Variants in TRAK1 observed in about 807,000 individuals in gnomAD.
TRAK1 encodes the protein trafficking kinesin-binding protein 1.
Under a neutral mutation model 92.1 loss-of-function variants are expected in TRAK1, and 33 were observed. The observed-to-expected ratio is 0.36, with a 90% CI of 0.27 to 0.48. The LOEUF (loss-of-function observed/expected upper bound fraction) is 0.48. Ranked by LOEUF, TRAK1 falls within the 20% of genes least tolerant of loss-of-function variation. TRAK1 has a pLI of 0.99. For synonymous variants in TRAK1, 521 were observed against 517.3 expected, an observed-to-expected ratio of 1.01 and a Z score of -0.10; for missense variants, 1,123 against 1,257.9, an observed-to-expected ratio of 0.89 and a Z score of 1.62.
chr3:42,051,629 T>A (rs969702555), intron 1 of TRAK1: 6 of 152,276 alleles, frequency 3.9e-5, no homozygotes, highest in Non-Finnish European at 8.8e-5. Flanking sequence ...TTGGCTGTCC[T>A]TTCTCCATAT....
At chr3:42,110,110 A>G (rs1228690239) in intron 1 of TRAK1, among the ~76,000 whole-genome samples, 13 of 132,770 alleles carry the variant, frequency 9.8e-5, no homozygotes, top group East Asian at 2.8e-4. Flanking sequence ...ATATATATAT[A>G]TATATATATA....
intron 1 of TRAK1, among the ~76,000 whole-genome samples, chr3:42,064,033 A>C (rs1356774233): frequency 6.6e-6 from 1 of 152,216 alleles, no homozygotes; most frequent in African/African-American, 2.4e-5. Flanking sequence ...CGTGAGAGAG[A>C]GGCCCAGTCA....
intron 13 of TRAK1, among the ~76,000 whole-genome samples, chr3:42,207,443 G>T (rs1196769028): frequency 2.0e-5 from 3 of 152,156 alleles, no homozygotes; most frequent in Non-Finnish European, 4.4e-5. Context: ...GGGTTTTGAT[G>T]GGTGGGCAGT....
intron 2 of TRAK1, among the ~76,000 whole-genome samples, chr3:42,134,188 C>T (rs1697595823): frequency 1.9e-5 from 2 of 104,736 alleles, no homozygotes; most frequent in African/African-American, 3.7e-5. Flanking sequence ...TCTTCCCCTT[C>T]CCCCTCCCCT....
intron 14 of TRAK1, chr3:42,218,419 G>A: frequency 1.0e-6 from 1 of 983,608 alleles, no homozygotes; most frequent in Non-Finnish European, 1.2e-6. Context: ...GGTCTCTGGG[G>A]GCTGAGCTGC....
At chr3:42,015,388 G>C (rs940355462) in intron 1 of TRAK1, among the ~76,000 whole-genome samples, 4 of 152,074 alleles carry the variant, frequency 2.6e-5, no homozygotes, top group African/African-American at 7.2e-5. Context: ...GATGCCCCAG[G>C]GACCAGTTTC....
chr3:42,137,077 AG>A (rs537845960), intron 2 of TRAK1, among the ~76,000 whole-genome samples: 1 of 126,106 alleles, frequency 7.9e-6, no homozygotes, highest in Non-Finnish European at 1.7e-5. Flanking sequence ...ACTTTTTGTG[AG>A]ATTTTTTTCT....
chr3:42,155,211 G>T (rs868740028), intron 2 of TRAK1, among the ~76,000 whole-genome samples: 1 of 152,012 alleles, frequency 6.6e-6, no homozygotes, highest in Admixed American at 6.6e-5. Context: ...ATTCCTGCTG[G>T]GGAGTAAGTT....
intron 1 of TRAK1, among the ~76,000 whole-genome samples, chr3:42,067,799 CGT>C (rs1703742504): frequency 1.1e-5 from 1 of 89,244 alleles, no homozygotes; most frequent in Non-Finnish European, 2.8e-5. Context: ...TGGCCTATCA[CGT>C]AGTTAGTTTT....
At chr3:42,143,363 C>G (rs1349897417) in intron 2 of TRAK1, among the ~76,000 whole-genome samples, 1 of 131,662 alleles carries the variant, frequency 7.6e-6, no homozygotes, top group Admixed American at 8.0e-5. Context: ...GATGCTTTTT[C>G]ATTCACTTAT....
At chr3:42,164,817 A>G in intron 2 of TRAK1, among the ~76,000 whole-genome samples, 1 of 152,216 alleles carries the variant, frequency 6.6e-6, no homozygotes, top group East Asian at 1.9e-4. Context: ...CCCTCTCCTC[A>G]CTATGAGATT....
chr3:42,059,429 G>A (rs1703335369), intron 1 of TRAK1, among the ~76,000 whole-genome samples: 1 of 152,064 alleles, frequency 6.6e-6, no homozygotes, highest in South Asian at 2.1e-4. Context: ...ATAATGACTT[G>A]TCTTCATCAG....
intron 1 of TRAK1, among the ~76,000 whole-genome samples, chr3:42,048,859 C>CT (rs1702866658): frequency 6.6e-6 from 1 of 152,006 alleles, no homozygotes; most frequent in African/African-American, 2.4e-5. Flanking sequence ...GCCACTGTGC[C>CT]TGGCCTGCCT....
chr3:42,196,998 T>A lies in TRAK1; in HGVS notation c.1113+2057T>A, dbSNP rs1455389448. ...CTCTTTCTCTTTCTCTCTCTCTCTC[T>A]CTCTCACACACACACACACACACAC... On this transcript the variant is annotated intron_variant, in intron 10 of 15. Transcript: ENST00000327628. 1.0e-2 allele frequency among the ~76,000 whole-genome samples: 944 copies of A among 94,750 alleles called. 8 individuals carry two copies. The highest frequency in any genetic ancestry group is 0.035 in the African/African-American group (861 of 24,640). The allele number at this position is 94,750 out of a possible 152,430, so 62.2% of individuals were successfully genotyped here. A position where few individuals can be genotyped will look rare whatever the true frequency, so the allele number is the denominator to read the frequency against.
chr3:42,016,285 G>A (rs1701523627), intron 1 of TRAK1, among the ~76,000 whole-genome samples: 1 of 152,134 alleles, frequency 6.6e-6, no homozygotes, highest in African/African-American at 2.4e-5. Context: ...GCTCACTGCG[G>A]CCTCCACCTC....
chr3:42,212,000 A>G (rs774782321), intron 14 of TRAK1: 201 of 985,326 alleles, frequency 2.0e-4, no homozygotes, highest in Non-Finnish European at 2.4e-4. Flanking sequence ...TTTTCTGGGT[A>G]AGGCTCATCT....
intron 1 of TRAK1, among the ~76,000 whole-genome samples, chr3:42,064,694 GA>G (rs1328094778): frequency 6.6e-6 from 1 of 152,126 alleles, no homozygotes; most frequent in Non-Finnish European, 1.5e-5. Context: ...TTCTCATAAT[GA>G]TTTGTGAATT....
chr3:42,219,254 AC>A, intron 14 of TRAK1: 1 of 984,310 alleles, frequency 1.0e-6, no homozygotes, highest in South Asian at 4.7e-5. Flanking sequence ...CTGATGAGAA[AC>A]CTAGTCTGGA....
chr3:42,159,285 A>T (rs1700966145), intron 2 of TRAK1, among the ~76,000 whole-genome samples: 1 of 152,118 alleles, frequency 6.6e-6, no homozygotes, highest in Admixed American at 6.5e-5. Flanking sequence ...GGAGGTTGGA[A>T]TGAGTGTCCT....
Sources: gnomAD v4.1 joint callset for allele counts (sites outside exome capture counted in the v4.1 genomes callset) on GRCh38, gnomAD v4.1.1 for gene constraint, MANE v1.5 for transcripts, NCBI Gene and HGNC (gene_info 2026-07-23, HGNC 2026-07-21) for gene names.